PAWR: variants seen among roughly 807,000 people sequenced by gnomAD.
The protein encoded by PAWR is pro-apoptotic WT1 regulator.
PAWR carries 23 observed loss-of-function variants against 32.0 expected under a neutral mutation model. The observed-to-expected ratio is 0.72, with a 90% CI of 0.52 to 1.02. The LOEUF (loss-of-function observed/expected upper bound fraction) is 1.02, where lower values mean the gene tolerates loss of function less well. PAWR is among the 50% of genes least tolerant of loss of function. The pLI is 0.00. For synonymous variants in PAWR, 226 were observed against 187.1 expected, an observed-to-expected ratio of 1.21 and a Z score of -1.70; for missense variants, 457 against 437.7, an observed-to-expected ratio of 1.04 and a Z score of -0.39.
Position 79,690,060 on chromosome 12 carries a change from G to A in PAWR, c.185C>T (p.Ala62Val), listed in dbSNP as rs895520781. The A allele has an allele frequency of 2.2e-6, 3 of 1,366,706 alleles. No homozygotes were observed. The highest frequency in any genetic ancestry group is 1.5e-5 in the African/African-American group (1 of 64,918). The allele number at this position is 1,366,706 out of a possible 1,614,324, so 84.7% of individuals were successfully genotyped here. Residue 62 changes from alanine to valine, a missense_variant, in exon 2 of 7, where the codon GCG becomes GTG. Physicochemically the swap from Ala to Val is moderately conservative, Grantham distance 64. Transcript: ENST00000328827. The stretch of plus-strand genomic sequence containing the variant: ...GTTGAGCTCGTTGGCAGCGGCGGCC[G>A]CCGGGGTGCCCAGAGCCCCCGCGGG... ...KPPAGALGTP[A>V]AAAANELNNN...
chr12:79,626,078 G>T (rs1167081996), intron 2 of PAWR, among the ~76,000 whole-genome samples: 18 of 141,316 alleles, frequency 1.3e-4, no homozygotes, highest in Admixed American at 5.0e-4. Flanking sequence ...GCAGGAGAAT[G>T]GAGTGAACCC....
chr12:79,610,763 A>T (rs796744479), intron 4 of PAWR, among the ~76,000 whole-genome samples: 2 of 138,932 alleles, frequency 1.4e-5, no homozygotes, highest in Admixed American at 7.1e-5. Context: ...ACCAAAAATT[A>T]AAAAAAAAAA....
chr12:79,591,130 C>A lies in PAWR; in HGVS notation c.*1477G>T, dbSNP rs1873542075. 1 of 152,190 alleles carries A rather than the reference C, an allele frequency of 6.6e-6. No individual in the cohort carries two copies. 9.4% of individuals were successfully genotyped at this position (152,190 alleles called of 1,614,324 possible). ...ACATAGGAGCTACAGCCAGGGAGTT[C>A]TTTCTAAGTTCCTCAAGTGATTCTG... On this transcript the variant is annotated 3_prime_UTR_variant, in exon 7 of 7. Coordinates refer to ENST00000328827, the MANE Select transcript of PAWR (RefSeq NM_002583.4).
At chr12:79,657,989 C>A (rs1877175774) in intron 2 of PAWR, among the ~76,000 whole-genome samples, 1 of 152,054 alleles carries the variant, frequency 6.6e-6, no homozygotes, top group South Asian at 2.1e-4. Flanking sequence ...TAATGTCAAA[C>A]AAGATAAGGC....
chr12:79,619,648 A>G (rs983030980), intron 3 of PAWR, among the ~76,000 whole-genome samples: 1 of 152,218 alleles, frequency 6.6e-6, no homozygotes, highest in African/African-American at 2.4e-5. Flanking sequence ...CGGCTTGTAA[A>G]AAGTACAACT....
At chr12:79,636,869 C>T (rs1875985036) in intron 2 of PAWR, among the ~76,000 whole-genome samples, 1 of 152,036 alleles carries the variant, frequency 6.6e-6, no homozygotes, top group African/African-American at 2.4e-5. Context: ...ATATGTACAT[C>T]TTAAGAATCC....
chr12:79,628,506 G>A (rs1248690428), intron 2 of PAWR, among the ~76,000 whole-genome samples: 1 of 151,940 alleles, frequency 6.6e-6, no homozygotes, highest in East Asian at 1.9e-4. Context: ...CCTTCGAAAT[G>A]ACAACTTTTA....
chr12:79,609,493 C>T (rs916897696), intron 4 of PAWR, among the ~76,000 whole-genome samples: 15 of 151,992 alleles, frequency 9.9e-5, no homozygotes, highest in African/African-American at 1.7e-4. Flanking sequence ...TGAATGTTGC[C>T]TTTTCCAAAA....
intron 2 of PAWR, among the ~76,000 whole-genome samples, chr12:79,637,512 G>A (rs1279307423): frequency 1.4e-5 from 2 of 143,944 alleles, no homozygotes; most frequent in Non-Finnish European, 1.5e-5. Flanking sequence ...ACTGTGAGAT[G>A]ATTAAACAAC....
chr12:79,685,518 CCAACACGAGTT>C (rs1335412046), intron 2 of PAWR, among the ~76,000 whole-genome samples: 1 of 152,166 alleles, frequency 6.6e-6, no homozygotes, highest in Non-Finnish European at 1.5e-5. Flanking sequence ...TTCCCTTTCA[CCAACACGAGTT>C]CAAACTATGG....
At chr12:79,667,109 C>T (rs1232187630) in intron 2 of PAWR, among the ~76,000 whole-genome samples, 1 of 152,174 alleles carries the variant, frequency 6.6e-6, no homozygotes, top group Non-Finnish European at 1.5e-5. Flanking sequence ...GTGCCCCGAC[C>T]ACCTTGGGCA....
At chr12:79,647,127 A>T (rs1876612830) in intron 2 of PAWR, among the ~76,000 whole-genome samples, 1 of 150,962 alleles carries the variant, frequency 6.6e-6, no homozygotes, top group Non-Finnish European at 1.5e-5. Context: ...GTGAGCCAAG[A>T]TCATGCCACT....
chr12:79,606,508 A>G (rs1471074586), intron 4 of PAWR, among the ~76,000 whole-genome samples: 2 of 152,222 alleles, frequency 1.3e-5, no homozygotes. Context: ...ATAATTCAGA[A>G]CAAGTTATTT....
At chr12:79,618,157 G>C (rs1348926523) in intron 3 of PAWR, among the ~76,000 whole-genome samples, 1 of 151,256 alleles carries the variant, frequency 6.6e-6, no homozygotes, top group East Asian at 1.9e-4. Flanking sequence ...TTGAGACACA[G>C]TCTCGCTGTC....
Position 79,585,820 on chromosome 12 carries a change from T to A in PAWR, c.*6787A>T, listed in dbSNP as rs1172337456. 1 of 152,230 alleles carries A rather than the reference T, an allele frequency of 6.6e-6. No individual in the cohort carries two copies. The highest frequency in any genetic ancestry group is 1.5e-5 in the Non-Finnish European group (1 of 68,262). 9.4% of individuals were successfully genotyped at this position (152,230 alleles called of 1,614,324 possible). ...CGACCTCCCAGGCTCAAGCAATCCT[T>A]CCCCCTCAGCCTACCAAGCAGCTGG... On this transcript the variant is annotated 3_prime_UTR_variant, in exon 7 of 7. Coordinates refer to ENST00000328827, the MANE Select transcript of PAWR (RefSeq NM_002583.4).
At chr12:79,652,653 T>C (rs1876903754) in intron 2 of PAWR, among the ~76,000 whole-genome samples, 1 of 152,220 alleles carries the variant, frequency 6.6e-6, no homozygotes, top group Non-Finnish European at 1.5e-5. Flanking sequence ...TTAAAAAGAA[T>C]GCATATTCTT....
At chr12:79,650,321 C>G (rs924062043) in intron 2 of PAWR, among the ~76,000 whole-genome samples, 1 of 152,182 alleles carries the variant, frequency 6.6e-6, no homozygotes, top group Non-Finnish European at 1.5e-5. Context: ...GAAGGCTACA[C>G]GCTACATTGA....
At chr12:79,620,931 T>C (rs1180388873) in intron 3 of PAWR, 145 bp downstream of exon 3, 4 of 632,026 alleles carry the variant, frequency 6.3e-6, no homozygotes, top group Non-Finnish European at 1.1e-5. Context: ...CAACATGTGA[T>C]GTCAGAACCC....
intron 2 of PAWR, among the ~76,000 whole-genome samples, chr12:79,685,743 T>C (rs1565707623): frequency 6.6e-6 from 1 of 152,202 alleles, no homozygotes; most frequent in South Asian, 2.1e-4. Context: ...TTCAATTCCA[T>C]ACCTTTACTG....
Sources: allele counts gnomAD v4.1 joint callset (sites outside exome capture counted in the v4.1 genomes callset), GRCh38; gene constraint gnomAD v4.1.1; transcripts MANE v1.5; gene names NCBI Gene and HGNC (gene_info 2026-07-23, HGNC 2026-07-21).